The following RALYL variants were observed in gnomAD, a reference collection of about 807,000 sequenced individuals.
RALYL encodes RNA-binding Raly-like protein.
In RALYL, 29 loss-of-function variants were observed where a neutral mutation model predicts 35.1. The observed-to-expected ratio is 0.83, with a 90% CI of 0.61 to 1.13. RALYL has a LOEUF of 1.13. RALYL is among the 50% of genes most tolerant of loss of function. The probability of loss-of-function intolerance (pLI) is 0.00; values close to 1 mark genes in which losing one functional copy is unlikely to be tolerated. For missense variants in RALYL, 359 were observed against 360.4 expected, an observed-to-expected ratio of 1.00 and a Z score of 0.03; for synonymous variants, 120 against 127.6, an observed-to-expected ratio of 0.94 and a Z score of 0.40.
chr8:84,877,316 G>GTCTC (rs1841360136), intron 7 of RALYL, among the ~76,000 whole-genome samples: 1 of 151,918 alleles, frequency 6.6e-6, no homozygotes, highest in Admixed American at 6.6e-5. Context: ...GTGAAACCCT[G>GTCTC]TCTCTACGAA....
intron 1 of RALYL, among the ~76,000 whole-genome samples, chr8:84,417,532 T>G (rs1187987991): frequency 1.4e-5 from 2 of 145,096 alleles, no homozygotes; most frequent in Non-Finnish European, 3.1e-5. Context: ...CCCTATAGTC[T>G]TTTTTTTTTT....
At chr8:84,760,548 C>T (rs1259901081) in intron 2 of RALYL, among the ~76,000 whole-genome samples, 1 of 152,022 alleles carries the variant, frequency 6.6e-6, no homozygotes, top group Admixed American at 6.6e-5. Flanking sequence ...TATCTCTTTA[C>T]TACCTATCAC....
intron 3 of RALYL, among the ~76,000 whole-genome samples, chr8:84,781,476 T>C (rs1219812164): frequency 6.6e-6 from 1 of 152,250 alleles, no homozygotes; most frequent in Non-Finnish European, 1.5e-5. Flanking sequence ...TCCATTAATA[T>C]CTTCTGGCAT....
chr8:84,495,193 A>G (rs900622838), intron 1 of RALYL, among the ~76,000 whole-genome samples: 1 of 151,936 alleles, frequency 6.6e-6, no homozygotes, highest in Non-Finnish European at 1.5e-5. Context: ...CAGAAGAAAC[A>G]CTAAGACCTC....
At chr8:84,536,174 G>T (rs2059593255) in intron 2 of RALYL, among the ~76,000 whole-genome samples, 1 of 152,112 alleles carries the variant, frequency 6.6e-6, no homozygotes, top group African/African-American at 2.4e-5. Flanking sequence ...ACTTTTAGAG[G>T]TGTGATTTTT....
chr8:84,914,589 A>G (rs1194098070), intron 8 of RALYL, among the ~76,000 whole-genome samples: 3 of 151,878 alleles, frequency 2.0e-5, no homozygotes, highest in Non-Finnish European at 2.9e-5. Context: ...GAATAATTAA[A>G]TTTTTACACA....
intron 1 of RALYL, among the ~76,000 whole-genome samples, chr8:84,524,812 A>G (rs1325903569): frequency 6.6e-6 from 1 of 152,072 alleles, no homozygotes; most frequent in Non-Finnish European, 1.5e-5. Context: ...AATCTTTTAA[A>G]TTAGTTATCA....
At chr8:84,891,046 C>A (rs984312309) in intron 8 of RALYL, among the ~76,000 whole-genome samples, 1 of 151,864 alleles carries the variant, frequency 6.6e-6, no homozygotes, top group African/African-American at 2.4e-5. Context: ...ACTTAGGGAC[C>A]GAGATATTTC....
intron 4 of RALYL, among the ~76,000 whole-genome samples, chr8:84,844,939 A>T (rs932218617): frequency 6.6e-6 from 1 of 150,866 alleles, no homozygotes; most frequent in Non-Finnish European, 1.5e-5. Context: ...GGACACAGGA[A>T]GGGGAACATC....
chr8:84,487,588 A>G (rs1481256432), intron 1 of RALYL, among the ~76,000 whole-genome samples: 3 of 152,086 alleles, frequency 2.0e-5, no homozygotes, highest in Admixed American at 1.3e-4. Flanking sequence ...ATGGCCTGCC[A>G]CCAGTTTCTG....
chr8:84,456,402 A>C (rs886460045), intron 1 of RALYL, among the ~76,000 whole-genome samples: 3 of 152,030 alleles, frequency 2.0e-5, no homozygotes, highest in Non-Finnish European at 2.9e-5. Context: ...ACTTTTCTGT[A>C]GTCACACAAC....
chr8:84,664,442 T>A (rs958562701), intron 2 of RALYL, among the ~76,000 whole-genome samples: 1 of 152,076 alleles, frequency 6.6e-6, no homozygotes, highest in African/African-American at 2.4e-5. Context: ...ATTTTCATGA[T>A]ATTGATTCTT....
At chr8:84,425,149 C>A (rs1305893055) in intron 1 of RALYL, among the ~76,000 whole-genome samples, 1 of 152,214 alleles carries the variant, frequency 6.6e-6, no homozygotes, top group East Asian at 1.9e-4. Context: ...CTCCCCCAGC[C>A]TCGCTGCTAC....
chr8:84,408,750 A>G (rs1478270276), intron 1 of RALYL, among the ~76,000 whole-genome samples: 3 of 152,174 alleles, frequency 2.0e-5, no homozygotes, highest in Non-Finnish European at 4.4e-5. Context: ...TAAGAATGCC[A>G]TGGAGGCAGG....
At chr8:84,739,355 C>CA (rs199919008) in intron 2 of RALYL, among the ~76,000 whole-genome samples, 346 of 150,230 alleles carry the variant, frequency 2.3e-3, no homozygotes, top group African/African-American at 7.8e-3. Flanking sequence ...AGTTTAGTAT[C>CA]AAAAAAAACT....
At chr8:84,671,701 G>A (rs981227177) in intron 2 of RALYL, among the ~76,000 whole-genome samples, 2 of 152,162 alleles carry the variant, frequency 1.3e-5, no homozygotes, top group South Asian at 4.1e-4. Flanking sequence ...TGGGACACAG[G>A]GCACCAAGTA....
chr8:84,890,116 A>G (rs1162917400), intron 8 of RALYL, among the ~76,000 whole-genome samples: 1 of 152,164 alleles, frequency 6.6e-6, no homozygotes, highest in Non-Finnish European at 1.5e-5. Flanking sequence ...AATCCCAAAG[A>G]GTGTGAATGT....
chr8:84,323,240 G>A (rs1465876885), intron 1 of RALYL, among the ~76,000 whole-genome samples: 6 of 151,860 alleles, frequency 4.0e-5, no homozygotes, highest in Non-Finnish European at 5.9e-5. Flanking sequence ...CATGCCTCAA[G>A]TTTTAGGAAA....
At chr8:84,843,939 C>T (rs1320352002) in intron 4 of RALYL, among the ~76,000 whole-genome samples, 1 of 152,178 alleles carries the variant, frequency 6.6e-6, no homozygotes, top group East Asian at 1.9e-4. Context: ...AACTGTATCC[C>T]TTCTTTACAC....
Sources: gnomAD v4.1 joint callset for allele counts (sites outside exome capture counted in the v4.1 genomes callset) on GRCh38, gnomAD v4.1.1 for gene constraint, MANE v1.5 for transcripts, NCBI Gene and HGNC (gene_info 2026-07-23, HGNC 2026-07-21) for gene names.